Variants in LCLAT1 observed in about 807,000 individuals in gnomAD.
LCLAT1 encodes the protein lysocardiolipin acyltransferase 1, also known as 1-AGP acyltransferase 8.
A neutral mutation model predicts 30.7 loss-of-function variants in LCLAT1; 11 were observed. The observed-to-expected ratio is 0.36, with a 90% CI of 0.23 to 0.59. The LOEUF (loss-of-function observed/expected upper bound fraction) is 0.59. LCLAT1 is among the 20% of genes least tolerant of loss of function. The pLI, the probability that LCLAT1 is intolerant of heterozygous loss-of-function variation, is 0.77. For synonymous variants in LCLAT1, 155 were observed against 151.3 expected (o/e 1.02, Z -0.18); for missense variants, 402 against 458.6 (o/e 0.88, Z 1.13).
At chr2:30,451,176 C>G (rs111237329) in intron 1 of LCLAT1, among the ~76,000 whole-genome samples, 79 of 152,334 alleles carry the variant, frequency 5.2e-4, no homozygotes, top group African/African-American at 1.1e-3. Flanking sequence ...TACTGCTATA[C>G]ACCTTCCAGA....
intron 1 of LCLAT1, among the ~76,000 whole-genome samples, chr2:30,481,348 T>C (rs756888056): frequency 3.9e-5 from 6 of 152,134 alleles, no homozygotes; most frequent in Non-Finnish European, 8.8e-5. Context: ...GTTGGAGATA[T>C]TTTGGTAATA....
At chr2:30,517,169 C>T (rs112626063) in intron 1 of LCLAT1, among the ~76,000 whole-genome samples, 5,989 of 152,242 alleles carry the variant, frequency 0.039, 411 homozygotes, top group African/African-American at 0.14. Flanking sequence ...AATCTACTTC[C>T]TCCAGTCCCT....
At chr2:30,563,766 A>T (rs1044191617) in intron 4 of LCLAT1, among the ~76,000 whole-genome samples, 1 of 152,220 alleles carries the variant, frequency 6.6e-6, no homozygotes, top group Non-Finnish European at 1.5e-5. Context: ...TACAAAAGAG[A>T]GTTCAAGATG....
chr2:30,631,888 C>T (rs756527743), intron 5 of LCLAT1, among the ~76,000 whole-genome samples: 1 of 152,142 alleles, frequency 6.6e-6, no homozygotes, highest in Non-Finnish European at 1.5e-5. Flanking sequence ...TTAACTCCAG[C>T]CTCAGCAAGT....
Position 30,464,940 on chromosome 2 carries a change from C to G in LCLAT1, c.-5+17557C>G, listed in dbSNP as rs1261081408. 2.0e-5 allele frequency among the ~76,000 whole-genome samples: 3 copies of G among 151,946 alleles called. No homozygotes were observed. In the East Asian group the frequency reaches 5.8e-4, roughly 29 times the overall value. Reference sequence around the variant, plus strand: ...TTTGCCATGTTTCCCAGGCTGGTTTCAAACTCCTGAGCTCAAGCAGTCTGC... The same window carrying G: ...TTTGCCATGTTTCCCAGGCTGGTTTGAAACTCCTGAGCTCAAGCAGTCTGC... On this transcript the variant is annotated intron_variant, in intron 1 of 5. Coordinates refer to ENST00000379509, the MANE Select transcript of LCLAT1 (RefSeq NM_001002257.3).
In LCLAT1 at chr2:30,489,510, G is replaced by A. The variant is rs56675435; in HGVS notation, c.-4-36077G>A. 3.0e-3 allele frequency among the ~76,000 whole-genome samples: 457 copies of A among 152,066 alleles called. 6 individuals carry two copies. Among genetic ancestry groups the A allele is most frequent in the East Asian group, 0.026 (133 of 5,158 alleles). ...TGGGACTACAGGTGCCTGCTGCCAT[G>A]CCCAGCTGATTTTTTGTATTTTTAG... On this transcript the variant is annotated intron_variant, in intron 1 of 5. Transcript: ENST00000379509.
chr2:30,558,425 C>T (rs970102737), intron 3 of LCLAT1, among the ~76,000 whole-genome samples: 7 of 151,904 alleles, frequency 4.6e-5, no homozygotes, highest in Admixed American at 3.9e-4. Flanking sequence ...CATGGCAAAA[C>T]CCCGTCTCTA....
In LCLAT1 at chr2:30,508,224, C is replaced by T. The variant is rs192682202; in HGVS notation, c.-4-17363C>T. ...AGTTTGAAAAAATTTTTTCCCTTTC[C>T]GTTAGTTGTCTGTTCACTCTGTTGA... is the stretch of plus-strand genomic sequence containing the variant. On this transcript the variant is annotated intron_variant, in intron 1 of 5. Transcript: ENST00000379509. 9.4e-4 allele frequency among the ~76,000 whole-genome samples: 143 copies of T among 151,964 alleles called. 1 individual carries two copies. The highest frequency in any genetic ancestry group is 3.4e-3 in the African/African-American group (142 of 41,464).
intron 5 of LCLAT1, among the ~76,000 whole-genome samples, chr2:30,605,670 A>T (rs1196319313): frequency 6.6e-6 from 1 of 152,100 alleles, no homozygotes; most frequent in Admixed American, 6.6e-5. Flanking sequence ...CTCTCCTACA[A>T]CTCTGAAGCT....
intron 5 of LCLAT1, among the ~76,000 whole-genome samples, chr2:30,591,544 T>C (rs1666693520): frequency 6.6e-6 from 1 of 152,236 alleles, no homozygotes; most frequent in African/African-American, 2.4e-5. Context: ...TTTAAATTAT[T>C]GTCTCCAACT....
At chr2:30,619,065 T>TTTAGAAGACCA (rs1668126167) in intron 5 of LCLAT1, among the ~76,000 whole-genome samples, 1 of 152,174 alleles carries the variant, frequency 6.6e-6, no homozygotes, top group African/African-American at 2.4e-5. Context: ...AGACCAAGAA[T>TTTAGAAGACCA]AGTACACCTA....
chr2:30,597,070 G>GTAAT (rs1399177630), intron 5 of LCLAT1, among the ~76,000 whole-genome samples: 3 of 145,446 alleles, frequency 2.1e-5, no homozygotes, highest in African/African-American at 7.6e-5. Context: ...TTGAAGTCAG[G>GTAAT]TAATGTGATG....
At chr2:30,610,660 A>G (rs1054145185) in intron 5 of LCLAT1, among the ~76,000 whole-genome samples, 26 of 152,142 alleles carry the variant, frequency 1.7e-4, no homozygotes, top group African/African-American at 5.5e-4. Context: ...ATTAAAAACA[A>G]TATGGATTCT....
intron 5 of LCLAT1, among the ~76,000 whole-genome samples, chr2:30,593,778 C>T (rs993185811): frequency 2.0e-5 from 3 of 151,730 alleles, no homozygotes; most frequent in East Asian, 1.9e-4. Flanking sequence ...TATTGAATGG[C>T]CATAGATTAA....
At chr2:30,633,080 TAGTGCCA>T (rs1413414928) in intron 5 of LCLAT1, among the ~76,000 whole-genome samples, 1 of 152,224 alleles carries the variant, frequency 6.6e-6, no homozygotes, top group Non-Finnish European at 1.5e-5. Context: ...ATGTACTGAC[TAGTGCCA>T]ATCTGTCATG....
At chr2:30,570,469 A>G (rs950339559) in intron 5 of LCLAT1, among the ~76,000 whole-genome samples, 1 of 152,196 alleles carries the variant, frequency 6.6e-6, no homozygotes, top group Non-Finnish European at 1.5e-5. Context: ...TATGCCTATG[A>G]TCAATTCATC....
intron 1 of LCLAT1, among the ~76,000 whole-genome samples, chr2:30,493,116 T>A (rs1683914538): frequency 6.6e-6 from 1 of 152,198 alleles, no homozygotes; most frequent in South Asian, 2.1e-4. Flanking sequence ...GTTGCAGTAA[T>A]GTCAGGCACA....
intron 5 of LCLAT1, among the ~76,000 whole-genome samples, chr2:30,570,082 A>C (rs925769683): frequency 5.3e-5 from 8 of 152,156 alleles, no homozygotes; most frequent in Non-Finnish European, 1.2e-4. Context: ...GGTATTTCTG[A>C]CATCATAGAA....
chr2:30,568,355 G>C (rs1331170008), intron 5 of LCLAT1, among the ~76,000 whole-genome samples, 179 bp downstream of exon 5: 1 of 151,892 alleles, frequency 6.6e-6, no homozygotes, highest in Non-Finnish European at 1.5e-5. Flanking sequence ...ATTTGTTAGA[G>C]ATATAGAAGA....
Sources: allele counts gnomAD v4.1 joint callset (sites outside exome capture counted in the v4.1 genomes callset), GRCh38; gene constraint gnomAD v4.1.1; transcripts MANE v1.5; gene names NCBI Gene and HGNC (gene_info 2026-07-23, HGNC 2026-07-21).